ABI3BP: variants seen among roughly 807,000 people sequenced by gnomAD.
ABI3BP encodes the protein ABI family member 3 binding protein, also known as target of Nesh-SH3.
In ABI3BP, 216 loss-of-function variants were observed where a neutral mutation model predicts 268.6. The ratio of observed to expected loss-of-function variants is 0.80; its 90% CI spans 0.72 to 0.90. The LOEUF is 0.90. ABI3BP is among the 40% of genes least tolerant of loss of function. The pLI, the probability that ABI3BP is intolerant of heterozygous loss-of-function variation, is 0.00. For synonymous variants in ABI3BP, 730 were observed against 730.0 expected (o/e 1.00, Z 0.00); for missense variants, 2,090 against 2,182.4 (o/e 0.96, Z 0.84).
At chr3:100,798,688 CAT>C (rs1317297156) in intron 51 of ABI3BP, among the ~76,000 whole-genome samples, 3 of 152,042 alleles carry the variant, frequency 2.0e-5, no homozygotes, top group African/African-American at 4.8e-5. Context: ...CAATGTCTGT[CAT>C]AGATAAACGT....
intron 1 of ABI3BP, among the ~76,000 whole-genome samples, chr3:100,968,032 G>A (rs2082024043): frequency 6.6e-6 from 1 of 152,240 alleles, no homozygotes; most frequent in African/African-American, 2.4e-5. Flanking sequence ...CATCAAAATG[G>A]GGCTATGTGA....
At position 100,775,208 on chromosome 3, in the gene ABI3BP, C is replaced by T; in HGVS notation, c.4461G>A (p.Leu1487=). ...QPTVPASGEE[L]ENITDFSSSP... is the part of the protein sequence containing the mutation. ...GTGAGAACTGATGGCCATACGAACC[C>T]AGTTCTTCTCCAGAGGCAGGAACTG... Residue 1487 remains leucine, a splice_region_variant and synonymous_variant, in exon 60 of 68, where the codon CTG becomes CTA. Coordinates refer to ENST00000471714, the MANE Select transcript of ABI3BP (RefSeq NM_001375547.2). 3 of 1,612,676 alleles carry T rather than the reference C, an allele frequency of 1.9e-6. No individual in the cohort carries two copies. Among genetic ancestry groups the T allele is most frequent in the Non-Finnish European group, 2.5e-6 (3 of 1,179,380 alleles).
intron 1 of ABI3BP, among the ~76,000 whole-genome samples, chr3:100,967,879 C>T (rs950261406): frequency 6.6e-6 from 1 of 151,776 alleles, no homozygotes; most frequent in Middle Eastern, 3.2e-3. Context: ...ACAAGGGGCA[C>T]AGAAAAAGAA....
chr3:100,801,070 A>T (rs1233114133), intron 51 of ABI3BP, among the ~76,000 whole-genome samples: 1 of 152,050 alleles, frequency 6.6e-6, no homozygotes, highest in Non-Finnish European at 1.5e-5. Context: ...ATCCCTAAGC[A>T]TGGAACCAGG....
chr3:100,786,893 A>C (rs1055948597), intron 57 of ABI3BP, among the ~76,000 whole-genome samples: 1 of 152,186 alleles, frequency 6.6e-6, no homozygotes, highest in Admixed American at 6.6e-5. Flanking sequence ...AAGTACAAAA[A>C]GCACATTCTT....
intron 13 of ABI3BP, chr3:100,862,595 G>A (rs1402339045): frequency 1.7e-6 from 1 of 578,486 alleles, no homozygotes; most frequent in Non-Finnish European, 3.0e-6. Context: ...AGAGTTTGGT[G>A]TCAGACTGTC....
At chr3:100,791,780 GTCTT>G (rs1467047076) in intron 55 of ABI3BP, among the ~76,000 whole-genome samples, 1 of 152,002 alleles carries the variant, frequency 6.6e-6, no homozygotes, top group Non-Finnish European at 1.5e-5. Flanking sequence ...CTTTACTATA[GTCTT>G]TCTTAGTCAC....
intron 6 of ABI3BP, among the ~76,000 whole-genome samples, chr3:100,882,434 C>CAT (rs891018075): frequency 6.7e-6 from 1 of 148,398 alleles, no homozygotes; most frequent in Non-Finnish European, 1.5e-5. Flanking sequence ...GATGTAAGTT[C>CAT]ATATATATAT....
chr3:100,835,176 CATTTT>C (rs2098555320), intron 28 of ABI3BP, among the ~76,000 whole-genome samples: 1 of 152,148 alleles, frequency 6.6e-6, no homozygotes, highest in Admixed American at 6.6e-5. Flanking sequence ...AGTATAAACA[CATTTT>C]GTTTTCTAAA....
chr3:100,947,617 C>T (rs181766037), intron 1 of ABI3BP, among the ~76,000 whole-genome samples: 1 of 152,192 alleles, frequency 6.6e-6, no homozygotes, highest in Non-Finnish European at 1.5e-5. Context: ...GTTCCTTAGA[C>T]ACTGCAAATA....
chr3:100,755,786 A>G (rs1304138010), intron 63 of ABI3BP, among the ~76,000 whole-genome samples: 1 of 152,238 alleles, frequency 6.6e-6, no homozygotes, highest in Non-Finnish European at 1.5e-5. Context: ...TTGAATTCAA[A>G]AGTCAACCTG....
At chr3:100,920,684 G>C (rs1323731389) in intron 2 of ABI3BP, among the ~76,000 whole-genome samples, 4 of 152,110 alleles carry the variant, frequency 2.6e-5, no homozygotes, top group Non-Finnish European at 5.9e-5. Flanking sequence ...GCATCTCAAA[G>C]TGCTGGGATT....
intron 4 of ABI3BP, among the ~76,000 whole-genome samples, chr3:100,890,515 A>T (rs1479939989): frequency 6.6e-6 from 1 of 152,044 alleles, no homozygotes; most frequent in Non-Finnish European, 1.5e-5. Context: ...TTCCTTACGG[A>T]CCTTCCCGAG....
intron 4 of ABI3BP, among the ~76,000 whole-genome samples, chr3:100,893,167 G>A (rs968516934): frequency 2.0e-5 from 3 of 152,160 alleles, no homozygotes; most frequent in Non-Finnish European, 4.4e-5. Flanking sequence ...TCAAACATCA[G>A]ACTTCAAGTT....
chr3:100,916,868 G>A (rs992816947), intron 2 of ABI3BP, among the ~76,000 whole-genome samples: 3 of 152,194 alleles, frequency 2.0e-5, no homozygotes, highest in African/African-American at 7.2e-5. Context: ...TGGGGACCAT[G>A]CTAAGAATTC....
At chr3:100,846,553 G>T in intron 19 of ABI3BP, 107 bp from the exon 20 acceptor site, 1 of 708,584 alleles carries the variant, frequency 1.4e-6, no homozygotes, top group South Asian at 2.4e-5. Flanking sequence ...TAAATGGAAT[G>T]AACTCATCGT....
chr3:100,921,061 T>G (rs1395825164), intron 2 of ABI3BP, among the ~76,000 whole-genome samples: 1 of 152,200 alleles, frequency 6.6e-6, no homozygotes, highest in Non-Finnish European at 1.5e-5. Flanking sequence ...GAAGGAGTTA[T>G]AGGCAAGATA....
rs898044381 is a variant in ABI3BP, at chr3:100,849,275, G to A, written c.1502-400C>T. Among the ~76,000 whole-genome samples the A allele has an allele frequency of 3.4e-5, 5 of 145,662 alleles. No homozygotes were observed. The South Asian group carries it at 1.1e-3, about 32-fold the overall frequency. ...AGAGTCTCACTCTGTCACCCAGGCT[G>A]GAGTGCGTGGCGCAACCTTGGCTCA... On this transcript the variant is annotated intron_variant, in intron 17 of 67. Coordinates refer to ENST00000471714, the MANE Select transcript of ABI3BP (RefSeq NM_001375547.2).
At chr3:100,872,404 A>T (rs1581367994) in intron 9 of ABI3BP, among the ~76,000 whole-genome samples, 1 of 151,820 alleles carries the variant, frequency 6.6e-6, no homozygotes, top group Non-Finnish European at 1.5e-5. Context: ...GAATTTTTAA[A>T]TTTTTTTTTA....
Sources: allele counts gnomAD v4.1 joint callset (sites outside exome capture counted in the v4.1 genomes callset), GRCh38; gene constraint gnomAD v4.1.1; transcripts MANE v1.5; gene names NCBI Gene and HGNC (gene_info 2026-07-23, HGNC 2026-07-21).